The following MSR1 variants were observed in gnomAD, a reference collection of about 807,000 sequenced individuals.
The protein encoded by MSR1 is macrophage scavenger receptor 1.
MSR1 carries 53 observed loss-of-function variants against 47.2 expected under a neutral mutation model. The ratio of observed to expected loss-of-function variants is 1.12; its 90% CI spans 0.90 to 1.41. The LOEUF is 1.41. MSR1 is among the 40% of genes most tolerant of loss of function. The pLI, the probability that MSR1 is intolerant of heterozygous loss-of-function variation, is 0.00. For missense variants in MSR1, 786 were observed against 546.9 expected, an observed-to-expected ratio of 1.44 and a Z score of -4.36; for synonymous variants, 239 against 185.6, an observed-to-expected ratio of 1.29 and a Z score of -2.34.
At position 16,150,246 on chromosome 8, in the gene MSR1, A is replaced by G; in HGVS notation, c.964T>C (p.Tyr322His). The change falls in exon 7 of 10, where the codon TAT (tyrosine) becomes CAT (histidine). Residue 322 changes from tyrosine to histidine, a missense_variant. By Grantham distance (83) the Tyr-to-His change is moderately conservative. Coordinates refer to ENST00000262101, the MANE Select transcript of MSR1 (RefSeq NM_138715.3). ...GFPGSRGLPGYAGRPGNSGPK... is the reference protein window; with the variant it reads ...GFPGSRGLPGHAGRPGNSGPK... ...ATTGTAATACCTGGCCTTCCGGCAT[A>G]TCCTGGGAGTCCTCGACTTCCAGGA... 1 of 1,553,272 alleles carries G rather than the reference A, an allele frequency of 6.4e-7. No homozygotes were observed.
At position 16,109,980 on chromosome 8, in the gene MSR1, A is replaced by G; in HGVS notation, c.*105T>C. 7.4e-7 allele frequency: 1 copy of G among 1,359,346 alleles called. No individual in the cohort carries two copies. Among genetic ancestry groups the G allele is most frequent in the Non-Finnish European group, 1.0e-6 (1 of 965,560 alleles). The allele number at this position is 1,359,346 out of a possible 1,614,324, so 84.2% of individuals were successfully genotyped here. A position where few individuals can be genotyped will look rare whatever the true frequency, so the allele number is the denominator to read the frequency against. On this transcript the variant is annotated 3_prime_UTR_variant, in exon 10 of 10. Transcript: ENST00000262101. ...TGTAATCTAAAATATTATTTGGGCAATATTCTTAATCTCTTAAATATTGAT... is the reference window on the plus strand; with the variant it reads ...TGTAATCTAAAATATTATTTGGGCAGTATTCTTAATCTCTTAAATATTGAT...
At position 16,190,723 on chromosome 8, in the gene MSR1, C is replaced by CTTTTTTTTTTTT. The variant is rs772816603; in HGVS notation, c.-5+1874_-5+1875insAAAAAAAAAAAA. On this transcript the variant is annotated intron_variant, in intron 1 of 9. Transcript: ENST00000262101. ...TTATCATATTCTTTCTTTTTTCTTT[C>CTTTTTTTTTTTT]TTTCTTTTTGTTTTTGAGATGGAGT... Among the ~76,000 whole-genome samples the CTTTTTTTTTTTT allele has an allele frequency of 2.5e-4, 37 of 145,338 alleles. 1 individual carries two copies. Among genetic ancestry groups the CTTTTTTTTTTTT allele is most frequent in the South Asian group, 6.4e-4 (3 of 4,706 alleles).
rs114465153 is a variant in MSR1, at chr8:16,114,275, T to G, written c.1223-4057A>C. Among the ~76,000 whole-genome samples the G allele has an allele frequency of 4.1e-3, 627 of 152,174 alleles. 4 individuals are homozygous for G. The highest frequency in any genetic ancestry group is 0.011 in the African/African-American group (446 of 41,540). On this transcript the variant is annotated intron_variant, in intron 9 of 9. Coordinates refer to ENST00000262101, the MANE Select transcript of MSR1 (RefSeq NM_138715.3). ...CACATAGAAAATTGATTATGGTATG[T>G]AAAAGTGGTAATAAAAAAGCAAAGA...
At chr8:16,139,811 ATATATATATATATG>A (rs1800503293) in intron 8 of MSR1, 1 of 105,648 alleles carries the variant, frequency 9.5e-6, no homozygotes, top group African/African-American at 3.6e-5. Flanking sequence ...ATATATATAT[ATATATATATATATG>A]CTGTAATTTG....
At chr8:16,139,683 A>G (rs1332905503) in intron 8 of MSR1, 19 of 973,784 alleles carry the variant, frequency 2.0e-5, no homozygotes, top group Admixed American at 6.4e-5. Flanking sequence ...TAATACATGA[A>G]AAGTTTTATT....
At chr8:16,113,378 T>C (rs1799807304) in intron 9 of MSR1, among the ~76,000 whole-genome samples, 1 of 152,168 alleles carries the variant, frequency 6.6e-6, no homozygotes, top group Non-Finnish European at 1.5e-5. Flanking sequence ...AGATATATTA[T>C]AAAATGATGA....
At chr8:16,126,183 G>A (rs1405143727) in intron 8 of MSR1, among the ~76,000 whole-genome samples, 1 of 152,060 alleles carries the variant, frequency 6.6e-6, no homozygotes, top group Non-Finnish European at 1.5e-5. Context: ...AAAAGTTAGA[G>A]AAAAGATACT....
intron 3 of MSR1, among the ~76,000 whole-genome samples, chr8:16,170,027 A>C (rs1243379028): frequency 6.6e-6 from 1 of 152,162 alleles, no homozygotes; most frequent in Non-Finnish European, 1.5e-5. Flanking sequence ...CTAGTTTCAA[A>C]AAAATAAAAG....
intron 9 of MSR1, among the ~76,000 whole-genome samples, chr8:16,119,751 A>C (rs1799953347): frequency 6.6e-6 from 1 of 151,948 alleles, no homozygotes; most frequent in Non-Finnish European, 1.5e-5. Flanking sequence ...TCTGTCACCC[A>C]GGCTGGAGTG....
rs117287499 is a variant in MSR1 at position 16,147,555 on chromosome 8, T to C, written c.979+2676A>G. Among the ~76,000 whole-genome samples, 167 of 152,276 alleles carry C rather than the reference T, an allele frequency of 1.1e-3. 3 individuals are homozygous for C. Among genetic ancestry groups the C allele is most frequent in the Non-Finnish European group, 1.8e-3 (124 of 67,996 alleles). ...TATCAAAGAGTGTTTATATCACAAA[T>C]TGGGGTCTTAGCTCTGAAATATATT... On this transcript the variant is annotated intron_variant, in intron 7 of 9. Coordinates refer to ENST00000262101, the MANE Select transcript of MSR1 (RefSeq NM_138715.3).
intron 3 of MSR1, among the ~76,000 whole-genome samples, chr8:16,171,548 T>A (rs1379119309): frequency 6.6e-6 from 1 of 152,146 alleles, no homozygotes; most frequent in Non-Finnish European, 1.5e-5. Flanking sequence ...GGGACCAAGT[T>A]TTGGGTTGAC....
At chr8:16,190,059 G>T (rs77090795) in intron 1 of MSR1, among the ~76,000 whole-genome samples, 1 of 151,094 alleles carries the variant, frequency 6.6e-6, no homozygotes, top group Non-Finnish European at 1.5e-5. Context: ...GATTATAGGC[G>T]TTTGCCACCA....
At chr8:16,129,296 T>C (rs576169547) in intron 8 of MSR1, among the ~76,000 whole-genome samples, 26 of 152,262 alleles carry the variant, frequency 1.7e-4, no homozygotes, top group African/African-American at 5.5e-4. Context: ...TACTTTGGCA[T>C]GGATTAAGCA....
At chr8:16,165,425 C>T (rs2117172917) in intron 4 of MSR1, among the ~76,000 whole-genome samples, 1 of 152,100 alleles carries the variant, frequency 6.6e-6, no homozygotes, top group East Asian at 1.9e-4. Flanking sequence ...ATTAATTTTT[C>T]TTTTAGATCA....
chr8:16,131,441 G>GTTTTTTT (rs56321577), intron 8 of MSR1, among the ~76,000 whole-genome samples: 29 of 54,676 alleles, frequency 5.3e-4, no homozygotes, highest in East Asian at 1.6e-3. Flanking sequence ...TCTGTTGATA[G>GTTTTTTT]TTTTTTTTTT....
chr8:16,171,854 C>T (rs1023790541), intron 3 of MSR1, among the ~76,000 whole-genome samples: 1 of 152,164 alleles, frequency 6.6e-6, no homozygotes, highest in Non-Finnish European at 1.5e-5. Context: ...GGACAAGTTA[C>T]TTAATCTGTT....
chr8:16,184,160 C>T (rs1259459758), intron 1 of MSR1, among the ~76,000 whole-genome samples: 3 of 151,708 alleles, frequency 2.0e-5, no homozygotes, highest in South Asian at 2.1e-4. Flanking sequence ...TTTTAATATG[C>T]CTTACTTAGG....
chr8:16,181,797 AT>A (rs1237213546), intron 1 of MSR1, among the ~76,000 whole-genome samples: 28 of 140,932 alleles, frequency 2.0e-4, no homozygotes, highest in East Asian at 8.2e-4. Flanking sequence ...TTAAAGTATA[AT>A]TTAAAAAAAA....
chr8:16,188,965 T>A (rs629554), intron 1 of MSR1, among the ~76,000 whole-genome samples: 6 of 54,332 alleles, frequency 1.1e-4, no homozygotes, highest in East Asian at 1.2e-3. Context: ...TCAACACACA[T>A]ACATATATAT....
Sources: gnomAD v4.1 joint callset for allele counts (sites outside exome capture counted in the v4.1 genomes callset) on GRCh38, gnomAD v4.1.1 for gene constraint, MANE v1.5 for transcripts, NCBI Gene and HGNC (gene_info 2026-07-23, HGNC 2026-07-21) for gene names.